STAU1: variants seen among roughly 807,000 people sequenced by gnomAD.
STAU1 encodes the protein staufen double-stranded RNA binding protein 1.
STAU1 carries 13 observed loss-of-function variants against 62.9 expected under a neutral mutation model. The ratio of observed to expected loss-of-function variants is 0.21; its 90% CI spans 0.13 to 0.33. STAU1 has a LOEUF of 0.33. Ranked by LOEUF, STAU1 falls within the 10% of genes least tolerant of loss-of-function variation. The pLI is 1.00. For synonymous variants in STAU1, 269 were observed against 265.1 expected, an observed-to-expected ratio of 1.01 and a Z score of -0.14; for missense variants, 571 against 712.1, an observed-to-expected ratio of 0.80 and a Z score of 2.25.
chr20:49,168,198 A>G (rs1018556600), intron 2 of STAU1, among the ~76,000 whole-genome samples: 4 of 151,484 alleles, frequency 2.6e-5, no homozygotes, highest in African/African-American at 9.7e-5. Context: ...TTCCTGCCTC[A>G]GTCTCCCAAG....
the STAU1 span, among the ~76,000 whole-genome samples, chr20:49,206,751 A>ATATATATATATATATATATT: frequency 1.1e-5 from 1 of 95,036 alleles, no homozygotes; most frequent in African/African-American, 4.3e-5. Context: ...ATATATATAT[A>ATATATATATATATATATATT]TTTTATTTTA....
intron 3 of STAU1, among the ~76,000 whole-genome samples, chr20:49,154,977 T>G (rs2030342317): frequency 1.3e-5 from 2 of 151,942 alleles, no homozygotes; most frequent in South Asian, 4.2e-4. Context: ...TCCCATCTAC[T>G]CAGGAGGCTG....
intron 5 of STAU1, among the ~76,000 whole-genome samples, chr20:49,142,993 G>A (rs2093042806): frequency 6.6e-6 from 1 of 151,876 alleles, no homozygotes; most frequent in Admixed American, 6.6e-5. Context: ...TAGAGATGAG[G>A]TCTCTCCATC....
chr20:49,176,212 T>C (rs1305952994), intron 1 of STAU1, among the ~76,000 whole-genome samples: 2 of 152,232 alleles, frequency 1.3e-5, no homozygotes, highest in East Asian at 3.8e-4. Flanking sequence ...GTCGTTGGCA[T>C]ATGCTTGGTG....
chr20:49,115,587 C>T (rs766695024), intron 13 of STAU1, among the ~76,000 whole-genome samples, 195 bp downstream of exon 13: 6 of 152,160 alleles, frequency 3.9e-5, no homozygotes, highest in Non-Finnish European at 5.9e-5. Flanking sequence ...AGGTGTGAGC[C>T]GCTGTTCCCA....
intron 1 of STAU1, among the ~76,000 whole-genome samples, chr20:49,181,319 T>C (rs1156292762): frequency 6.6e-6 from 1 of 152,198 alleles, no homozygotes; most frequent in African/African-American, 2.4e-5. Context: ...TAAATATTAT[T>C]ATCCAGCAAA....
In STAU1 at chr20:49,187,786, C is replaced by G. The variant is rs988446912; in HGVS notation, c.-160+330G>C. 1.1e-3 allele frequency among the ~76,000 whole-genome samples: 164 copies of G among 150,872 alleles called. 3 individuals are homozygous for G. The highest frequency in any genetic ancestry group is 2.2e-4 in the Non-Finnish European group (15 of 67,632). ...CCTGAAGCAGGGACCCCCCCCCCCC[C>G]CCGCCTGCGCCCCAGCCCCGGGAAT... is the stretch of plus-strand genomic sequence containing the variant. On this transcript the variant is annotated intron_variant, in intron 1 of 13. Transcript: ENST00000371856.
At chr20:49,177,642 G>A (rs1285214807) in intron 1 of STAU1, among the ~76,000 whole-genome samples, 1 of 151,920 alleles carries the variant, frequency 6.6e-6, no homozygotes, top group African/African-American at 2.4e-5. Context: ...TCACACCACT[G>A]CACTCCAGCC....
chr20:49,135,954 G>A, intron 5 of STAU1, 23 bp from the exon 6 acceptor site: 1 of 1,581,340 alleles, frequency 6.3e-7, no homozygotes, highest in Admixed American at 1.7e-5. Context: ...TTGTTTAGTA[G>A]TTAGCTCTTA....
chr20:49,154,387 G>A (rs1223582456), intron 3 of STAU1, among the ~76,000 whole-genome samples: 3 of 152,128 alleles, frequency 2.0e-5, no homozygotes, highest in African/African-American at 7.2e-5. Flanking sequence ...CAAATTTCAC[G>A]ATTAAAAAAT....
chr20:49,134,611 A>C, intron 6 of STAU1: 3 of 1,291,652 alleles, frequency 2.3e-6, no homozygotes, highest in Non-Finnish European at 3.4e-6. Flanking sequence ...TTGTGGATGA[A>C]GCCAACTATT....
chr20:49,143,472 A>G (rs949885718), intron 5 of STAU1, among the ~76,000 whole-genome samples: 5 of 152,172 alleles, frequency 3.3e-5, no homozygotes, highest in African/African-American at 1.2e-4. Context: ...ATACACCTGT[A>G]GTCCCAGCTA....
intron 8 of STAU1, among the ~76,000 whole-genome samples, chr20:49,121,501 A>G (rs1326966011): frequency 1.3e-5 from 2 of 152,248 alleles, no homozygotes; most frequent in African/African-American, 4.8e-5. Flanking sequence ...TGACATGAGC[A>G]ACACCTTTGC....
At chr20:49,123,532 A>C (rs575438951) in intron 7 of STAU1, among the ~76,000 whole-genome samples, 8 of 152,314 alleles carry the variant, frequency 5.3e-5, no homozygotes, top group Admixed American at 4.6e-4. Flanking sequence ...AAATGGGCAG[A>C]AAAAACATAA....
intron 3 of STAU1, among the ~76,000 whole-genome samples, chr20:49,165,681 T>G (rs541306010): frequency 6.6e-6 from 1 of 152,352 alleles, no homozygotes; most frequent in East Asian, 1.9e-4. Flanking sequence ...CATACAACGA[T>G]GAATATCCAA....
At chr20:49,214,564 C>G in the STAU1 span, among the ~76,000 whole-genome samples, 7 of 151,310 alleles carry the variant, frequency 4.6e-5, no homozygotes, top group African/African-American at 1.7e-4. Context: ...GGGTCCATGT[C>G]TAGGAGATAA....
chr20:49,202,900 C>T, the STAU1 span, among the ~76,000 whole-genome samples: 2 of 149,652 alleles, frequency 1.3e-5, no homozygotes, highest in African/African-American at 4.9e-5. Context: ...AATTAGCCAG[C>T]AAGGTGGTAC....
At chr20:49,219,194 A>G in the STAU1 span, 1 of 665,848 alleles carries the variant, frequency 1.5e-6, no homozygotes, top group East Asian at 2.8e-5. Flanking sequence ...CTCCTCAAAT[A>G]CTGCCACCGT....
intron 2 of STAU1, among the ~76,000 whole-genome samples, chr20:49,173,195 C>T (rs1359039067): frequency 1.3e-5 from 2 of 151,154 alleles, no homozygotes; most frequent in Non-Finnish European, 3.0e-5. Flanking sequence ...CAGTGGCTCA[C>T]GCCTGTAATC....
Sources: gnomAD v4.1 joint callset for allele counts (sites outside exome capture counted in the v4.1 genomes callset) on GRCh38, gnomAD v4.1.1 for gene constraint, MANE v1.5 for transcripts, NCBI Gene and HGNC (gene_info 2026-07-23, HGNC 2026-07-21) for gene names.